The following ISOC1 variants were observed in gnomAD, a reference collection of about 807,000 sequenced individuals.
ISOC1 encodes isochorismatase domain-containing protein 1.
A neutral mutation model predicts 30.0 loss-of-function variants in ISOC1; 33 were observed. That is an observed-to-expected ratio of 1.10 (90% CI 0.83 to 1.47). The LOEUF (loss-of-function observed/expected upper bound fraction) is 1.47. ISOC1 is among the 40% of genes most tolerant of loss of function. The pLI, the probability that ISOC1 is intolerant of heterozygous loss-of-function variation, is 0.00. For missense variants in ISOC1, 372 were observed against 388.0 expected (o/e 0.96, Z 0.35); for synonymous variants, 178 against 159.8 (o/e 1.11, Z -0.86).
At chr5:129,106,087 A>G (rs1466400409) in intron 3 of ISOC1, among the ~76,000 whole-genome samples, 1 of 152,204 alleles carries the variant, frequency 6.6e-6, no homozygotes, top group Non-Finnish European at 1.5e-5. Flanking sequence ...ATTTTGGCAC[A>G]GTAAAGAAGA....
At position 129,105,197 on chromosome 5, in the gene ISOC1, C is replaced by T. The variant is rs750469956; in HGVS notation, c.442C>T (p.Arg148Trp). 20 of 1,613,158 alleles carry T rather than the reference C, an allele frequency of 1.2e-5. No individual in the cohort carries two copies. Among genetic ancestry groups the T allele is most frequent in the Middle Eastern group, 1.6e-4 (1 of 6,082 alleles). Residue 148 changes from arginine (R) to tryptophan (W), a missense_variant, in exon 3 of 5, where the codon CGG becomes TGG. Transcript: ENST00000173527. ...TATTTTTTTTCAGTTGCAAGGGGCC[C>T]GGATTTTAGGAATTCCTGTTATTGT... ...SVGQRLLQGA[R>W]ILGIPVIVTE...
intron 1 of ISOC1, among the ~76,000 whole-genome samples, chr5:129,095,742 C>G (rs747918679): frequency 2.2e-4 from 33 of 152,268 alleles, no homozygotes; most frequent in Admixed American, 3.9e-4. Context: ...ATACAAATAC[C>G]CAACTTAAGC....
In ISOC1 at chr5:129,094,875, C is replaced by T. The variant is rs1255694202; in HGVS notation, c.109C>T (p.Arg37Ter). 6.2e-7 allele frequency: 1 copy of T among 1,600,392 alleles called. No homozygotes were observed. Among genetic ancestry groups the T allele is most frequent in the Non-Finnish European group, 8.5e-7 (1 of 1,175,258 alleles). The change falls in exon 1 of 5, where the codon CGA (arginine) becomes TGA (stop). Residue 37 changes from arginine (R) to a stop codon, truncating the protein, a stop_gained. Transcript: ENST00000173527. LOFTEE classifies it high-confidence loss of function. ...PVLFCFSVFA[R>*]PSSVPHGAGY... Reference sequence around the variant, plus strand: ...GCTCTTCTGTTTCTCAGTCTTCGCGCGACCCTCGTCGGTGCCACACGGGGC... The same window carrying T: ...GCTCTTCTGTTTCTCAGTCTTCGCGTGACCCTCGTCGGTGCCACACGGGGC...
chr5:129,110,347 G>C (rs1214602222), intron 4 of ISOC1, among the ~76,000 whole-genome samples: 1 of 152,152 alleles, frequency 6.6e-6, no homozygotes, highest in East Asian at 1.9e-4. Flanking sequence ...CTTGGGACCA[G>C]CATTGTCAGG....
chr5:129,103,932 A>G (rs1323402553), intron 1 of ISOC1, among the ~76,000 whole-genome samples: 1 of 152,170 alleles, frequency 6.6e-6, no homozygotes, highest in Non-Finnish European at 1.5e-5. Flanking sequence ...AAGAAAGAAA[A>G]GCACCTCAGA....
rs909132626 is a variant in ISOC1, at chr5:129,105,461, A to G, written c.633+73A>G. 1.3e-5 allele frequency: 16 copies of G among 1,263,288 alleles called. No homozygotes were observed. The African/African-American group carries it at 2.4e-4, about 19-fold the overall frequency. The allele number at this position is 1,263,288 out of a possible 1,614,324, so 78.3% of individuals were successfully genotyped here. On this transcript the variant is annotated intron_variant, in intron 3 of 4. Coordinates refer to ENST00000173527, the MANE Select transcript of ISOC1 (RefSeq NM_016048.2). The stretch of plus-strand genomic sequence containing the variant: ...CTCAATATTTGTGGAATGTAATTTC[A>G]TATATGGTATGCCAGGTAGGCAGTA...
At chr5:129,103,016 T>G (rs574029205) in intron 1 of ISOC1, among the ~76,000 whole-genome samples, 5 of 152,338 alleles carry the variant, frequency 3.3e-5, no homozygotes, top group African/African-American at 1.2e-4. Context: ...AATTTTTTTT[T>G]GTTTTTGCTG....
intron 1 of ISOC1, among the ~76,000 whole-genome samples, chr5:129,099,990 G>A (rs1244961124): frequency 6.6e-6 from 1 of 152,104 alleles, no homozygotes; most frequent in African/African-American, 2.4e-5. Flanking sequence ...GCTATAAAGG[G>A]GATCTTTGTA....
chr5:129,113,193 G>A lies in ISOC1; in HGVS notation c.*192G>A, dbSNP rs760683414. Reference sequence around the variant, plus strand: ...CCAGCATTTAGTTACAAACGTCAAAGGCTTCCGGTGCTGCTTACCTTCCTT... The same window carrying A: ...CCAGCATTTAGTTACAAACGTCAAAAGCTTCCGGTGCTGCTTACCTTCCTT... On this transcript the variant is annotated 3_prime_UTR_variant, in exon 5 of 5. Transcript: ENST00000173527. 8.4e-5 allele frequency: 39 copies of A among 465,498 alleles called. No individual in the cohort carries two copies. The Middle Eastern group carries it at 1.7e-3, about 20-fold the overall frequency. 28.8% of individuals were successfully genotyped at this position (465,498 alleles called of 1,614,324 possible).
Position 129,105,063 on chromosome 5 carries a change from G to A in ISOC1, c.417G>A (p.Val139=), listed in dbSNP as rs781491915. The A allele has an allele frequency of 6.2e-7, 1 of 1,613,814 alleles. No homozygotes were observed. The highest frequency in any genetic ancestry group is 1.1e-5 in the South Asian group (1 of 91,078). ...AGTATTTTGGGGATATTATTAGCGT[G>A]GGACAGAGATTGGTATGCTTGTTTA... The part of the protein sequence containing the change: ...AIKYFGDIIS[V]GQRLLQGARI... Residue 139 remains valine (V), a synonymous_variant, in exon 2 of 5, where the codon GTG becomes GTA. Transcript: ENST00000173527.
At position 129,112,864 on chromosome 5, in the gene ISOC1, C is replaced by G. The variant is rs751929656; in HGVS notation, c.760C>G (p.Arg254Gly). 9.3e-6 allele frequency: 15 copies of G among 1,612,138 alleles called. No homozygotes were observed. The South Asian group carries it at 1.7e-4, about 18-fold the overall frequency. Residue 254 changes from arginine to glycine, a missense_variant, in exon 5 of 5, where the codon CGA (arginine) becomes GGA (glycine). Arg to Gly is a moderately radical substitution (Grantham distance 125). Transcript: ENST00000173527. Reference protein sequence around the residue: ...DRMFALERLARTGIIVTTSEA... With the variant: ...DRMFALERLAGTGIIVTTSEA... Reference sequence around the variant, plus strand: ...TATCTTTTTGTTCAAGCGTCTCGCTCGAACCGGGATCATAGTGACCACGAG... The same window carrying G: ...TATCTTTTTGTTCAAGCGTCTCGCTGGAACCGGGATCATAGTGACCACGAG...
At chr5:129,108,557 G>T (rs1383330430) in intron 4 of ISOC1, among the ~76,000 whole-genome samples, 1 of 149,842 alleles carries the variant, frequency 6.7e-6, no homozygotes, top group Non-Finnish European at 1.5e-5. Flanking sequence ...CGCCCAGGCT[G>T]GAAGTGCAGT....
chr5:129,106,904 T>C (rs538280429), intron 3 of ISOC1, 42 bp from the exon 4 acceptor site: 1 of 1,382,400 alleles, frequency 7.2e-7, no homozygotes, highest in East Asian at 2.3e-5. Context: ...CTACTTTTAG[T>C]TTATTATGTT....
In ISOC1 at chr5:129,105,435, ACT is replaced by A. The variant is rs750602224; in HGVS notation, c.633+49_633+50del. 3.3e-6 allele frequency: 5 copies of A among 1,495,550 alleles called. No homozygotes were observed. The East Asian group carries it at 1.1e-4, about 34-fold the overall frequency. 92.6% of individuals were successfully genotyped at this position (1,495,550 alleles called of 1,614,324 possible). A position where few individuals can be genotyped will look rare whatever the true frequency, so the allele number is the denominator to read the frequency against. ...TTAGGCACAATATTATTTATAGAAA[ACT>A]CAATATTTGTGGAATGTAATTTCAT... is the stretch of plus-strand genomic sequence containing the variant. On this transcript the variant is annotated intron_variant, in intron 3 of 4. Transcript: ENST00000173527.
Position 129,095,052 on chromosome 5 carries a change from C to A in ISOC1, c.286C>A (p.Arg96Ser). 6.3e-7 allele frequency: 1 copy of A among 1,582,752 alleles called. No individual in the cohort carries two copies. Among genetic ancestry groups the A allele is most frequent in the Admixed American group, 1.7e-5 (1 of 57,640 alleles). ...CGCGGTGAGCGAGCGCTGCAAGGTG[C>A]GCCTCGTGCCGTTGCAGATCCAGGT... is the stretch of plus-strand genomic sequence containing the variant. ...GFAVSERCKVRLVPLQIQLTT... is the reference protein window; with the variant it reads ...GFAVSERCKVSLVPLQIQLTT... The change falls in exon 1 of 5, where the codon CGC becomes AGC. Residue 96 changes from arginine (R) to serine (S), a missense_variant. Coordinates refer to ENST00000173527, the MANE Select transcript of ISOC1 (RefSeq NM_016048.2).
At chr5:129,095,117 C>T (rs762465213) in intron 1 of ISOC1, 42 bp downstream of exon 1, 22 of 1,468,884 alleles carry the variant, frequency 1.5e-5, no homozygotes, top group Admixed American at 2.1e-5. Context: ...GTTCCCGAGT[C>T]GTCCCCGTCC....
Position 129,113,928 on chromosome 5 carries a change from A to T in ISOC1, c.*927A>T, listed in dbSNP as rs929400967. On this transcript the variant is annotated 3_prime_UTR_variant, in exon 5 of 5. Coordinates refer to ENST00000173527, the MANE Select transcript of ISOC1 (RefSeq NM_016048.2). Reference sequence around the variant, plus strand: ...TTTGTGGTCATTGTTTCTCTTCGATAAATTTATTTTCATTAAATACTTGTT... The same window carrying T: ...TTTGTGGTCATTGTTTCTCTTCGATTAATTTATTTTCATTAAATACTTGTT... The T allele has an allele frequency of 5.9e-5, 9 of 152,182 alleles. No individual in the cohort carries two copies. Among genetic ancestry groups the T allele is most frequent in the Admixed American group, 2.6e-4 (4 of 15,268 alleles). The allele number at this position is 152,182 out of a possible 1,614,324, so 9.4% of individuals were successfully genotyped here.
intron 4 of ISOC1, among the ~76,000 whole-genome samples, chr5:129,107,953 C>T (rs1327180852): frequency 6.6e-6 from 1 of 152,224 alleles, no homozygotes; most frequent in Non-Finnish European, 1.5e-5. Flanking sequence ...CAAACTACCA[C>T]ATAATCTTGG....
intron 1 of ISOC1, among the ~76,000 whole-genome samples, chr5:129,096,993 G>A (rs903049814): frequency 2.0e-5 from 3 of 152,084 alleles, no homozygotes; most frequent in Non-Finnish European, 4.4e-5. Context: ...CTCAAAAGGC[G>A]TTATATAATT....
Sources: allele counts gnomAD v4.1 joint callset (sites outside exome capture counted in the v4.1 genomes callset), GRCh38; gene constraint gnomAD v4.1.1; transcripts MANE v1.5; gene names NCBI Gene and HGNC (gene_info 2026-07-23, HGNC 2026-07-21).